Variants in ANKFN1 observed in about 807,000 individuals in gnomAD.
ANKFN1 encodes ankyrin repeat and fibronectin type-III domain-containing protein 1.
Under a neutral mutation model 108.7 loss-of-function variants are expected in ANKFN1, and 74 were observed. The observed-to-expected ratio is 0.68, with a 90% confidence interval of 0.56 to 0.83. The LOEUF (loss-of-function observed/expected upper bound fraction) is 0.83, where lower values mean the gene tolerates loss of function less well. Among genes scored for constraint, ANKFN1 ranks in the 40% least tolerant of loss-of-function variants. The pLI is 0.00. For missense variants in ANKFN1, 1,505 were observed against 1,382.3 expected (o/e 1.09, Z -1.41); for synonymous variants, 547 against 516.2 (o/e 1.06, Z -0.81).
At chr17:56,479,966 G>A (rs978833749) in intron 16 of ANKFN1, among the ~76,000 whole-genome samples, 2 of 152,214 alleles carry the variant, frequency 1.3e-5, no homozygotes, top group African/African-American at 2.4e-5. Context: ...AGCAGCCTTT[G>A]GGGGCAAACC....
intron 2 of ANKFN1, among the ~76,000 whole-genome samples, chr17:56,214,270 G>A (rs1406498791): frequency 1.3e-5 from 2 of 152,146 alleles, no homozygotes; most frequent in Admixed American, 6.5e-5. Context: ...AACCAAATGT[G>A]CGTTAATAAG....
chr17:56,380,892 G>A (rs1243766531), intron 8 of ANKFN1, among the ~76,000 whole-genome samples: 1 of 152,214 alleles, frequency 6.6e-6, no homozygotes, highest in Non-Finnish European at 1.5e-5. Context: ...AGTAACCTCT[G>A]CAGACTTAAA....
At chr17:56,184,236 T>C (rs1389270684) in intron 1 of ANKFN1, among the ~76,000 whole-genome samples, 2 of 152,186 alleles carry the variant, frequency 1.3e-5, no homozygotes, top group East Asian at 3.8e-4. Context: ...TGTTGTCTTA[T>C]TTTAAGAAAT....
rs1165164620 is a variant in ANKFN1 at position 56,513,044 on chromosome 17, C to T, written c.*1775C>T. On this transcript the variant is annotated 3_prime_UTR_variant, in exon 21 of 21. Coordinates refer to ENST00000682825, the MANE Select transcript of ANKFN1 (RefSeq NM_001370326.1). ...AACTAGACGGGCCCATAAAATTTAT[C>T]TAAGTCCGTGGGTTTGCAGGTAGGG... 6.6e-6 allele frequency among the ~76,000 whole-genome samples: 1 copy of T among 152,206 alleles called. No homozygotes were observed.
rs768200056 is a variant in ANKFN1, at chr17:56,055,596, T to TATATATATATATATAC, written c.288+9272_288+9273insTATATATATATATACA. ...ATATATATATATATATATGTATATA[T>TATATATATATATATAC]ACACATTTTTTTATCCAGTCAATCA... On this transcript the variant is annotated intron_variant, in intron 4 of 12. Transcript: ENST00000635860. 3.2e-4 allele frequency among the ~76,000 whole-genome samples: 42 copies of TATATATATATATATAC among 130,636 alleles called. 2 individuals are homozygous for TATATATATATATATAC. The highest frequency in any genetic ancestry group is 3.1e-4 in the African/African-American group (10 of 32,370). 85.7% of individuals were successfully genotyped at this position (130,636 alleles called of 152,430 possible). A position where few individuals can be genotyped will look rare whatever the true frequency, so the allele number is the denominator to read the frequency against.
chr17:56,182,148 T>C (rs545880874), intron 1 of ANKFN1, among the ~76,000 whole-genome samples: 18 of 152,166 alleles, frequency 1.2e-4, no homozygotes, highest in Non-Finnish European at 2.5e-4. Flanking sequence ...ATACTGAGAA[T>C]AGGCCAATTA....
chr17:56,151,288 C>T (rs1170469100), upstream of ANKFN1, among the ~76,000 whole-genome samples: 1 of 152,204 alleles, frequency 6.6e-6, no homozygotes, highest in East Asian at 1.9e-4. Context: ...CTGGTTAGTG[C>T]TGTCAGCCAT....
chr17:56,268,700 T>G lies in ANKFN1; in HGVS notation c.53+40743T>G, dbSNP rs138366133. On this transcript the variant is annotated intron_variant, in intron 3 of 20. Transcript: ENST00000682825. ...AACTGCTAGTTAGACTAATAAAAGT[T>G]TTTTTTTTTCCAAATACATCTTGTT... Among the ~76,000 whole-genome samples the G allele has an allele frequency of 3.5e-3, 530 of 151,140 alleles. 1 individual carries two copies. Among genetic ancestry groups the G allele is most frequent in the African/African-American group, 0.012 (501 of 41,142 alleles).
At chr17:56,286,846 C>CATGTATGTATACATATATGTGT (rs2044230800) in intron 3 of ANKFN1, among the ~76,000 whole-genome samples, 1 of 151,960 alleles carries the variant, frequency 6.6e-6, no homozygotes. Context: ...GAAACATACA[C>CATGTATGTATACATATATGTGT]ATGTATGTAT....
rs574003036 is a variant in ANKFN1 at position 56,477,677 on chromosome 17, T to A, written c.1940+23T>A. The A allele has an allele frequency of 1.9e-6, 3 of 1,608,380 alleles. No homozygotes were observed. The South Asian group carries it at 3.3e-5, about 18-fold the overall frequency. ...TAGGTAAGTGATCAGGAGTTAAGAT[T>A]TTCCTTGTGATGAAACAGTGGCTCA... is the stretch of plus-strand genomic sequence containing the variant. On this transcript the variant is annotated intron_variant, in intron 16 of 20. Coordinates refer to ENST00000682825, the MANE Select transcript of ANKFN1 (RefSeq NM_001370326.1).
intron 2 of ANKFN1, among the ~76,000 whole-genome samples, chr17:56,220,739 G>A (rs887945602): frequency 4.0e-5 from 6 of 148,182 alleles, no homozygotes; most frequent in Non-Finnish European, 7.5e-5. Context: ...AAAAGGGAAA[G>A]GGAAGAGGGA....
chr17:56,314,138 TC>T (rs2045127296), intron 3 of ANKFN1, among the ~76,000 whole-genome samples: 1 of 152,232 alleles, frequency 6.6e-6, no homozygotes, highest in South Asian at 2.1e-4. Context: ...TGAGTAATAG[TC>T]CATAGAATGA....
At chr17:56,428,051 G>T (rs1030399176) in intron 8 of ANKFN1, among the ~76,000 whole-genome samples, 1 of 152,028 alleles carries the variant, frequency 6.6e-6, no homozygotes, top group Admixed American at 6.6e-5. Flanking sequence ...TGGCCAACAT[G>T]ATGAAACCCC....
intron 4 of ANKFN1, among the ~76,000 whole-genome samples, chr17:56,335,879 A>G (rs2045793952): frequency 6.6e-6 from 1 of 152,184 alleles, no homozygotes; most frequent in Non-Finnish European, 1.5e-5. Flanking sequence ...TATTATTTTG[A>G]GATATGTTCC....
rs1266838477 is a variant in ANKFN1, at chr17:56,512,102, G to A, written c.*833G>A. ...AAAGCCTGAATTACAGATAAGACAG[G>A]GGAGGGAGAGAGACATGGGCAGAAA... On this transcript the variant is annotated 3_prime_UTR_variant, in exon 21 of 21. Transcript: ENST00000682825. 6.7e-6 allele frequency among the ~76,000 whole-genome samples: 1 copy of A among 149,842 alleles called. No individual in the cohort carries two copies. Among genetic ancestry groups the A allele is most frequent in the Non-Finnish European group, 1.5e-5 (1 of 68,024 alleles).
intron 4 of ANKFN1, among the ~76,000 whole-genome samples, chr17:56,338,319 G>C (rs2045871767): frequency 1.3e-5 from 2 of 152,132 alleles, no homozygotes; most frequent in Non-Finnish European, 2.9e-5. Flanking sequence ...GGGAGCTGGG[G>C]GAGGGATAGC....
At chr17:56,211,889 T>C (rs1335732048) in intron 1 of ANKFN1, among the ~76,000 whole-genome samples, 7 of 152,200 alleles carry the variant, frequency 4.6e-5, no homozygotes, top group African/African-American at 1.7e-4. Flanking sequence ...GTTCTTGATT[T>C]GATTCTCGGC....
At chr17:56,144,101 A>G (rs950564207) in intron 4 of ANKFN1, among the ~76,000 whole-genome samples, 2 of 133,852 alleles carry the variant, frequency 1.5e-5, no homozygotes, top group South Asian at 2.5e-4. Flanking sequence ...TCATTTGTTC[A>G]TCTTTGGATC....
intron 8 of ANKFN1, among the ~76,000 whole-genome samples, chr17:56,394,968 T>C (rs980782626): frequency 6.6e-6 from 1 of 152,134 alleles, no homozygotes; most frequent in Non-Finnish European, 1.5e-5. Context: ...GGCTCAAAAC[T>C]GAAACAAAAA....
Sources: gnomAD v4.1 joint callset for allele counts (sites outside exome capture counted in the v4.1 genomes callset) on GRCh38, gnomAD v4.1.1 for gene constraint, MANE v1.5 for transcripts, NCBI Gene and HGNC (gene_info 2026-07-23, HGNC 2026-07-21) for gene names.